VAV2: variants seen among roughly 807,000 people sequenced by gnomAD.
The protein encoded by VAV2 is guanine nucleotide exchange factor VAV2.
A neutral mutation model predicts 132.5 loss-of-function variants in VAV2; 67 were observed. The observed-to-expected ratio is 0.51, with a 90% CI of 0.42 to 0.62. VAV2 has a LOEUF of 0.62. Ranked by LOEUF, VAV2 falls within the 20% of genes least tolerant of loss-of-function variation. The probability of loss-of-function intolerance (pLI) is 0.00; values close to 1 mark genes in which losing one functional copy is unlikely to be tolerated. For missense variants in VAV2, 938 were observed against 1,153.6 expected (o/e 0.81, Z 2.71); for synonymous variants, 492 against 443.5 (o/e 1.11, Z -1.37).
chr9:133,940,672 CGTGTGTGTGTGTGTGT>C (rs60265901), intron 1 of VAV2, among the ~76,000 whole-genome samples: 3 of 139,358 alleles, frequency 2.2e-5, no homozygotes, highest in African/African-American at 5.1e-5. Flanking sequence ...TGTCCACGTG[CGTGTGTGTGTGTGTGT>C]GTGTGTGTGT....
intron 2 of VAV2, among the ~76,000 whole-genome samples, chr9:133,874,290 C>T (rs1003949272): frequency 6.6e-6 from 1 of 152,232 alleles, no homozygotes; most frequent in African/African-American, 2.4e-5. Flanking sequence ...GAATGCTGCT[C>T]TCTCATTCCC....
Position 133,918,879 on chromosome 9 carries a change from G to A in VAV2, c.321+20224C>T, listed in dbSNP as rs529213901. Among the ~76,000 whole-genome samples, 5 of 152,130 alleles carry A rather than the reference G, an allele frequency of 3.3e-5. No individual in the cohort carries two copies. Among genetic ancestry groups the A allele is most frequent in the South Asian group, 2.1e-4 (1 of 4,812 alleles). ...CAACCTCCGCCTCCTGGGTTCAAGC[G>A]ATTCCCCTACCTCAGCCTCCCAAGT... On this transcript the variant is annotated intron_variant, in intron 2 of 29. Coordinates refer to ENST00000371850, the MANE Select transcript of VAV2 (RefSeq NM_001134398.2). This position sits in a 1 kb window ranked among gnomAD's most constrained non-coding sequence, Gnocchi z 4.7.
intron 2 of VAV2, among the ~76,000 whole-genome samples, chr9:133,880,539 C>T (rs76634587): frequency 0.028 from 4,265 of 152,052 alleles, 174 homozygotes; most frequent in African/African-American, 0.094. Flanking sequence ...GGGGTGGGTG[C>T]GGGGGGCACT....
At chr9:133,778,732 C>T in intron 22 of VAV2, 30 bp downstream of exon 22, 1 of 1,609,260 alleles carries the variant, frequency 6.2e-7, no homozygotes, top group Non-Finnish European at 8.5e-7. Flanking sequence ...GAGCCGGGGA[C>T]CCTCGACCCT....
rs1325256093 is a variant in VAV2, at chr9:133,863,040, C to T, written c.322-1608G>A. On this transcript the variant is annotated intron_variant, in intron 2 of 29. Coordinates refer to ENST00000371850, the MANE Select transcript of VAV2 (RefSeq NM_001134398.2). This position sits in a 1 kb window ranked among gnomAD's most constrained non-coding sequence, Gnocchi z 5.0. ...CACAAGACTCGATGGGCCCATTATG[C>T]GGCCAGCCCAGCCGCACTCCCATGC... Among the ~76,000 whole-genome samples, 3 of 152,172 alleles carry T rather than the reference C, an allele frequency of 2.0e-5. No homozygotes were observed. Among genetic ancestry groups the T allele is most frequent in the Admixed American group, 6.5e-5 (1 of 15,278 alleles).
At chr9:133,807,126 C>A in intron 8 of VAV2, 132 bp downstream of exon 8, 1 of 1,054,988 alleles carries the variant, frequency 9.5e-7, no homozygotes, top group African/African-American at 1.6e-5. Flanking sequence ...GCTCCTCCTT[C>A]CGGCCAGCAC....
At chr9:133,958,010 C>T (rs1177806003) in intron 1 of VAV2, among the ~76,000 whole-genome samples, 1 of 141,590 alleles carries the variant, frequency 7.1e-6, no homozygotes, top group Non-Finnish European at 1.6e-5. Context: ...AGGCAGCATG[C>T]TCGTTAAGAG....
At chr9:133,831,028 T>C (rs1836240615) in intron 4 of VAV2, among the ~76,000 whole-genome samples, 2 of 152,180 alleles carry the variant, frequency 1.3e-5, no homozygotes, top group Admixed American at 6.5e-5. Flanking sequence ...ATAACATTAT[T>C]GGACAGTGCA....
chr9:133,968,384 TTAAA>T (rs1042237495), intron 1 of VAV2, among the ~76,000 whole-genome samples: 4 of 152,060 alleles, frequency 2.6e-5, no homozygotes, highest in East Asian at 1.9e-4. Flanking sequence ...TATGTACCAA[TTAAA>T]TAAATAAATA....
intron 1 of VAV2, among the ~76,000 whole-genome samples, chr9:133,940,364 C>A (rs1841093833): frequency 6.6e-6 from 1 of 152,198 alleles, no homozygotes; most frequent in Non-Finnish European, 1.5e-5. Flanking sequence ...TGCCCAGCTC[C>A]AAGAGCAGTT....
chr9:133,975,923 C>T (rs1007087172), intron 1 of VAV2, among the ~76,000 whole-genome samples: 9 of 151,932 alleles, frequency 5.9e-5, no homozygotes, highest in African/African-American at 2.2e-4. Context: ...GTTGGCCAGG[C>T]GCCATGGCTC....
In VAV2 at chr9:133,956,705, G is replaced by C. The variant is rs573651529; in HGVS notation, c.205-17486C>G. 6.1e-4 allele frequency among the ~76,000 whole-genome samples: 93 copies of C among 152,328 alleles called. 1 individual carries two copies. Among genetic ancestry groups the C allele is most frequent in the Admixed American group, 6.1e-3 (93 of 15,308 alleles). On this transcript the variant is annotated intron_variant, in intron 1 of 29. Coordinates refer to ENST00000371850, the MANE Select transcript of VAV2 (RefSeq NM_001134398.2). ...GCTGGTGGGCAGAGCACCAGGGGGC[G>C]AGGGAGCGGGAGGGGGATTCCCTGC...
In VAV2 at chr9:133,785,760, C is replaced by T. The variant is rs758541544; in HGVS notation, c.1532+16G>A. On this transcript the variant is annotated intron_variant, in intron 17 of 29. Transcript: ENST00000371850. ...TCATCTGCCAGGGACCTGGGGGCTG[C>T]CGCCCTGGAACTCACATGGCCATCT... 10 of 1,611,670 alleles carry T rather than the reference C, an allele frequency of 6.2e-6. No individual in the cohort carries two copies. The Admixed American group carries it at 1.3e-4, about 22-fold the overall frequency.
At chr9:133,891,669 A>G in intron 2 of VAV2, among the ~76,000 whole-genome samples, 2 of 16,556 alleles carry the variant, frequency 1.2e-4, no homozygotes, top group Non-Finnish European at 1.2e-4. Flanking sequence ...GGGAAGCGGG[A>G]GGGATGAAGA....
intron 14 of VAV2, 69 bp downstream of exon 14, chr9:133,789,189 T>C: frequency 6.4e-7 from 1 of 1,556,356 alleles, no homozygotes; most frequent in Non-Finnish European, 8.8e-7. Context: ...CACTTAGGAG[T>C]GGCTCCCTGG....
intron 1 of VAV2, among the ~76,000 whole-genome samples, chr9:133,989,354 A>C (rs7027518): frequency 1.5e-5 from 2 of 134,860 alleles, no homozygotes; most frequent in African/African-American, 5.6e-5. Context: ...AAAAAAAAAA[A>C]CAAAAAATAC....
chr9:133,991,968 C>G lies in VAV2; in HGVS notation c.204+107G>C. 1 of 998,068 alleles carries G rather than the reference C, an allele frequency of 1.0e-6. No homozygotes were observed. The highest frequency in any genetic ancestry group is 1.3e-6 in the Non-Finnish European group (1 of 797,856). The allele number at this position is 998,068 out of a possible 1,614,324, so 61.8% of individuals were successfully genotyped here. On this transcript the variant is annotated intron_variant, in intron 1 of 29. Coordinates refer to ENST00000371850, the MANE Select transcript of VAV2 (RefSeq NM_001134398.2). This position sits in a 1 kb window ranked among gnomAD's most constrained non-coding sequence, Gnocchi z 4.8. The stretch of plus-strand genomic sequence containing the variant: ...CCCGCGTCCCGGAGCCCGGCCGCCC[C>G]AGCCAGGGCGCCTGGGCCGCCGCCG...
At chr9:133,878,727 C>A (rs1382841907) in intron 2 of VAV2, among the ~76,000 whole-genome samples, 2 of 152,216 alleles carry the variant, frequency 1.3e-5, no homozygotes, top group African/African-American at 4.8e-5. Context: ...ATCCCCCAAG[C>A]AGTGGCCACG....
At chr9:133,922,442 C>A (rs1840330727) in intron 2 of VAV2, among the ~76,000 whole-genome samples, 2 of 152,242 alleles carry the variant, frequency 1.3e-5, no homozygotes, top group East Asian at 3.8e-4. Context: ...TCACAGTGAG[C>A]AGCTGACCTG....
Sources: gnomAD v4.1 joint callset for allele counts (sites outside exome capture counted in the v4.1 genomes callset) on GRCh38, gnomAD v4.1.1 for gene constraint, Gnocchi (gnomAD v3.1) non-coding constraint, MANE v1.5 for transcripts, NCBI Gene and HGNC (gene_info 2026-07-23, HGNC 2026-07-21) for gene names.